Variants in PCTP observed in about 807,000 individuals in gnomAD.
PCTP encodes START domain-containing protein 2.
PCTP carries 27 observed loss-of-function variants against 31.0 expected under a neutral mutation model. The ratio of observed to expected loss-of-function variants is 0.87; its 90% CI spans 0.64 to 1.20. The LOEUF (loss-of-function observed/expected upper bound fraction) is 1.20. Among genes scored for constraint, PCTP ranks in the 50% most tolerant of loss-of-function variants. PCTP has a pLI of 0.00. For missense variants in PCTP, 287 were observed against 268.2 expected, an observed-to-expected ratio of 1.07 and a Z score of -0.49; for synonymous variants, 108 against 101.2, an observed-to-expected ratio of 1.07 and a Z score of -0.40.
chr17:55,762,144 A>G (rs1356482028), intron 1 of PCTP, among the ~76,000 whole-genome samples: 1 of 152,188 alleles, frequency 6.6e-6, no homozygotes, highest in Non-Finnish European at 1.5e-5. Flanking sequence ...ATCAGAGAAT[A>G]CTTTTCCCTG....
rs754049564 is a variant in PCTP, at chr17:55,794,580, AT to A, written c.317+6927del. ...AATAGGAATTCTTAAGTTATGGGTT[AT>A]ATGCAATTTAAATTATAAAAGAAGC... On this transcript the variant is annotated intron_variant, in intron 3 of 3. Transcript: ENST00000572536. Among the ~76,000 whole-genome samples, 12 of 152,150 alleles carry A rather than the reference AT, an allele frequency of 7.9e-5. No homozygotes were observed. In the East Asian group the frequency reaches 2.3e-3, roughly 29 times the overall value.
At chr17:55,829,728 C>T (rs1459277877) in intron 5 of PCTP, among the ~76,000 whole-genome samples, 2 of 149,394 alleles carry the variant, frequency 1.3e-5, no homozygotes, top group Admixed American at 6.6e-5. Flanking sequence ...ACACCCTCTA[C>T]AAGCTTGTAA....
rs559348030 is a variant in PCTP, at chr17:55,814,581, G to A, written c.318-8180G>A. Among the ~76,000 whole-genome samples, 5 of 152,318 alleles carry A rather than the reference G, an allele frequency of 3.3e-5. 1 individual carries two copies. The East Asian group carries it at 5.8e-4, about 18-fold the overall frequency. On this transcript the variant is annotated intron_variant, in intron 3 of 3. Coordinates refer to the PCTP transcript ENST00000572536. Reference sequence around the variant, plus strand: ...TTGACGCAGGAAATAGGTCTGTGTCGCTCAGCTGGTAGCATCATTGCGTTT... The same window carrying A: ...TTGACGCAGGAAATAGGTCTGTGTCACTCAGCTGGTAGCATCATTGCGTTT...
chr17:55,849,197 TA>T, the PCTP span, among the ~76,000 whole-genome samples: 31,215 of 151,602 alleles, frequency 0.21, 3,998 homozygotes, highest in East Asian at 0.38. Flanking sequence ...TGGAAAGTAT[TA>T]AAAAAAAGAG....
intron 1 of PCTP, 143 bp downstream of exon 1, chr17:55,751,387 T>G: frequency 6.5e-7 from 1 of 1,533,606 alleles, no homozygotes. Flanking sequence ...GGACCCTGTC[T>G]CAAGCTCTGG....
At chr17:55,846,677 G>A (rs556397076), downstream of PCTP, among the ~76,000 whole-genome samples, 1 of 152,234 alleles carries the variant, frequency 6.6e-6, no homozygotes, top group African/African-American at 2.4e-5. Context: ...AAGAAATTAA[G>A]TCACTCTAAT....
intron 2 of PCTP, chr17:55,770,287 C>G (rs943850046): frequency 6.6e-6 from 1 of 152,218 alleles, no homozygotes; most frequent in Non-Finnish European, 1.5e-5. Context: ...AGCCATAGTT[C>G]TGCTGATCTC....
intron 1 of PCTP, among the ~76,000 whole-genome samples, chr17:55,752,453 G>A (rs757258461): frequency 3.3e-5 from 5 of 151,624 alleles, no homozygotes; most frequent in Non-Finnish European, 7.4e-5. Flanking sequence ...TACCTCTCCC[G>A]GGGAAGAATT....
chr17:55,771,759 A>G (rs1267277180), intron 3 of PCTP, among the ~76,000 whole-genome samples: 1 of 152,136 alleles, frequency 6.6e-6, no homozygotes, highest in Non-Finnish European at 1.5e-5. Context: ...AATGAAATGT[A>G]GGGAGGCTTG....
Position 55,754,310 on chromosome 17 carries a change from T to C in PCTP, c.141+3066T>C, listed in dbSNP as rs1347786494. ...AATAGGGGATCCCATGACCCCCTCCTTGGATTCAATTAATTTACTAGAGAG... is the reference window on the plus strand; with the variant it reads ...AATAGGGGATCCCATGACCCCCTCCCTGGATTCAATTAATTTACTAGAGAG... On this transcript the variant is annotated intron_variant, in intron 1 of 5. Coordinates refer to ENST00000268896, the MANE Select transcript of PCTP (RefSeq NM_021213.4). Among the ~76,000 whole-genome samples the C allele has an allele frequency of 5.9e-4, 90 of 152,316 alleles. 2 individuals carry two copies. The highest frequency in any genetic ancestry group is 4.4e-5 in the Non-Finnish European group (3 of 68,018).
intron 5 of PCTP, among the ~76,000 whole-genome samples, chr17:55,832,131 A>G (rs1905620004): frequency 6.6e-6 from 1 of 152,148 alleles, no homozygotes; most frequent in Non-Finnish European, 1.5e-5. Context: ...CACCCAAGCA[A>G]GCTTGAGTTT....
intron 2 of PCTP, chr17:55,769,101 C>G (rs1474755779): frequency 6.6e-6 from 1 of 152,200 alleles, no homozygotes; most frequent in South Asian, 2.1e-4. Context: ...TCTGTGTTGA[C>G]CTAATTCCTA....
chr17:55,767,473 T>C lies in PCTP; in HGVS notation c.259+21T>C, dbSNP rs77653393. ...TAAAGGTGAGTGATGCTTGCTTTTC[T>C]TTTTTTTTTAGACGTACTTTCACTT... On this transcript the variant is annotated intron_variant, in intron 2 of 5. Transcript: ENST00000268896. The C allele has an allele frequency of 0.011, 63 of 5,502 alleles. No individual in the cohort carries two copies. The Admixed American group carries it at 0.19, about 17-fold the overall frequency. 0.3% of individuals were successfully genotyped at this position (5,502 alleles called of 1,614,324 possible).
the PCTP span, among the ~76,000 whole-genome samples, chr17:55,851,039 T>C: frequency 6.6e-6 from 1 of 152,208 alleles, no homozygotes; most frequent in African/African-American, 2.4e-5. Flanking sequence ...TGACCAGATA[T>C]GGAAACCAAT....
intron 3 of PCTP, among the ~76,000 whole-genome samples, chr17:55,803,384 A>G (rs1912454409): frequency 6.6e-6 from 1 of 152,228 alleles, no homozygotes; most frequent in South Asian, 2.1e-4. Context: ...GGAAACAAAA[A>G]AGAGCCCATA....
At chr17:55,833,247 G>T (rs181614667) in intron 5 of PCTP, among the ~76,000 whole-genome samples, 1 of 152,102 alleles carries the variant, frequency 6.6e-6, no homozygotes, top group Non-Finnish European at 1.5e-5. Flanking sequence ...CCCAATAGAC[G>T]TTCCACAGCA....
intron 3 of PCTP, among the ~76,000 whole-genome samples, chr17:55,814,881 G>A (rs1345954123): frequency 1.3e-5 from 2 of 152,186 alleles, no homozygotes; most frequent in African/African-American, 4.8e-5. Context: ...GAAGACAAGC[G>A]GAGTTTGGGG....
At chr17:55,839,218 T>A (rs1436367659) in intron 5 of PCTP, among the ~76,000 whole-genome samples, 2 of 152,226 alleles carry the variant, frequency 1.3e-5, no homozygotes, top group East Asian at 3.8e-4. Flanking sequence ...AATTTCTTTT[T>A]GTATAAAAGG....
chr17:55,789,309 G>C (rs549303051), intron 3 of PCTP, among the ~76,000 whole-genome samples: 2 of 152,032 alleles, frequency 1.3e-5, no homozygotes, highest in Non-Finnish European at 2.9e-5. Flanking sequence ...TGTGTTATTG[G>C]ATAGTTTTGT....
Sources: gnomAD v4.1 joint callset for allele counts (sites outside exome capture counted in the v4.1 genomes callset) on GRCh38, gnomAD v4.1.1 for gene constraint, MANE v1.5 for transcripts, NCBI Gene and HGNC (gene_info 2026-07-23, HGNC 2026-07-21) for gene names.